CHAT: variants seen among roughly 807,000 people sequenced by gnomAD.
CHAT encodes the protein acetyl CoA:choline O-acetyltransferase.
CHAT carries 61 observed loss-of-function variants against 76.9 expected under a neutral mutation model. The observed-to-expected ratio is 0.79, with a 90% confidence interval of 0.65 to 0.98. The LOEUF is 0.98. Among genes scored for constraint, CHAT ranks in the 50% least tolerant of loss-of-function variants. The pLI is 0.00. For synonymous variants in CHAT, 407 were observed against 397.4 expected (o/e 1.02, Z -0.29); for missense variants, 946 against 986.9 (o/e 0.96, Z 0.56).
At chr10:49,612,363 A>G (rs774335271), upstream of CHAT, 1 of 1,556,046 alleles carries the variant, frequency 6.4e-7, no homozygotes, top group South Asian at 1.2e-5. Context: ...CCTCCAGCCC[A>G]CCCAACCGCC....
intron 9 of CHAT, 136 bp downstream of exon 9, chr10:49,648,743 AC>A: frequency 1.5e-6 from 1 of 665,084 alleles, no homozygotes; most frequent in Admixed American, 2.1e-5. Context: ...ACACACACAC[AC>A]ACACACACAC....
chr10:49,652,019 G>C lies in CHAT; in HGVS notation c.1634+13G>C. On this transcript the variant is annotated intron_variant, in intron 11 of 14. Coordinates refer to ENST00000337653, the MANE Select transcript of CHAT (RefSeq NM_020549.5). ...TGGCCTTCTACAGGTGAGTGAAGGT[G>C]GAGTGAGTCTGTACCCTGGAGGGCT... 1.2e-6 allele frequency: 2 copies of C among 1,614,164 alleles called. No individual in the cohort carries two copies. Among genetic ancestry groups the C allele is most frequent in the South Asian group, 2.2e-5 (2 of 91,078 alleles).
intron 6 of CHAT, among the ~76,000 whole-genome samples, chr10:49,625,915 C>T (rs969823787): frequency 1.3e-5 from 2 of 152,188 alleles, no homozygotes; most frequent in South Asian, 2.1e-4. Flanking sequence ...GGGTCATGAT[C>T]GAGACCTCCA....
At chr10:49,634,971 A>AT (rs1839248514) in intron 7 of CHAT, among the ~76,000 whole-genome samples, 1 of 152,178 alleles carries the variant, frequency 6.6e-6, no homozygotes. Flanking sequence ...CAATGGTAGC[A>AT]TTTTCCAAAA....
At chr10:49,642,768 C>T (rs530971023) in intron 7 of CHAT, among the ~76,000 whole-genome samples, 66 of 152,382 alleles carry the variant, frequency 4.3e-4, no homozygotes, top group Middle Eastern at 3.4e-3. Context: ...CCAGGGCTCT[C>T]AGAGTTCACC....
chr10:49,641,577 C>A (rs1042887769), intron 7 of CHAT, among the ~76,000 whole-genome samples: 1 of 152,078 alleles, frequency 6.6e-6, no homozygotes, highest in African/African-American at 2.4e-5. Context: ...AAGATCACCC[C>A]CTAGGCCAGA....
intron 7 of CHAT, among the ~76,000 whole-genome samples, chr10:49,631,110 G>A (rs2132746711): frequency 6.6e-6 from 1 of 152,334 alleles, no homozygotes; most frequent in Admixed American, 6.5e-5. Context: ...GTAACTGGTA[G>A]GGACGGTGAA....
rs775557792 is a variant in CHAT, at chr10:49,649,577, G to A, written c.1452G>A (p.Arg484=). 6.2e-7 allele frequency: 1 copy of A among 1,613,802 alleles called. No individual in the cohort carries two copies. Among genetic ancestry groups the A allele is most frequent in the African/African-American group, 1.3e-5 (1 of 74,942 alleles). The change falls in exon 10 of 15, where the codon CGG becomes CGA. Residue 484 remains arginine, a synonymous_variant. Coordinates refer to ENST00000337653, the MANE Select transcript of CHAT (RefSeq NM_020549.5). ...VSELPAPRRL[R]WKCSPEIQGH... The stretch of plus-strand genomic sequence containing the variant: ...AGCTCCCCGCCCCCCGGAGGCTGCG[G>A]TGGAAATGCTCCCCGGAAATTCAAG...
chr10:49,649,518 A>G lies in CHAT; in HGVS notation c.1393A>G (p.Ser465Gly). The G allele has an allele frequency of 1.2e-6, 2 of 1,613,870 alleles. No individual in the cohort carries two copies. Residue 465 changes from serine (S) to glycine (G), a missense_variant, in exon 10 of 15, where the codon AGC becomes GGC. By Grantham distance (56) the Ser-to-Gly change is moderately conservative. Around this residue, in one of 3 missense-constraint regions of CHAT, gnomAD observed 349 missense variants for 393.9 expected, o/e 0.89. Coordinates refer to ENST00000337653, the MANE Select transcript of CHAT (RefSeq NM_020549.5). ...CCTCTGTGCCCGCAGGACGCAGAGCAGCAGGAAGCTGATCCGAGCAGACTC... is the reference window on the plus strand; with the variant it reads ...CCTCTGTGCCCGCAGGACGCAGAGCGGCAGGAAGCTGATCCGAGCAGACTC... ...EHLLKHVTQS[S>G]RKLIRADSVS...
chr10:49,644,383 A>T (rs1011398449), intron 7 of CHAT, among the ~76,000 whole-genome samples: 29 of 152,154 alleles, frequency 1.9e-4, no homozygotes, highest in Admixed American at 2.0e-4. Flanking sequence ...TCAAGTTCTA[A>T]GAGGGTAATG....
chr10:49,645,435 G>C (rs1483756909), intron 7 of CHAT, among the ~76,000 whole-genome samples: 2 of 152,204 alleles, frequency 1.3e-5, no homozygotes, highest in Non-Finnish European at 2.9e-5. Flanking sequence ...AACTTTTGGT[G>C]AACTTTAAAC....
At chr10:49,627,470 C>T in intron 6 of CHAT, 138 bp from the exon 7 acceptor site, 1 of 896,122 alleles carries the variant, frequency 1.1e-6, no homozygotes, top group Non-Finnish European at 1.9e-6. Context: ...GGTCCCTAAA[C>T]TGAGACTAGA....
intron 11 of CHAT, among the ~76,000 whole-genome samples, chr10:49,653,776 G>T (rs974831113): frequency 2.6e-5 from 4 of 152,376 alleles, no homozygotes; most frequent in Non-Finnish European, 5.9e-5. Flanking sequence ...GATAGGCCGT[G>T]AGGTCAGCAT....
At chr10:49,610,825 C>G (rs8187734), upstream of CHAT, 18 of 1,606,756 alleles carry the variant, frequency 1.1e-5, no homozygotes, top group South Asian at 1.2e-4. Context: ...GCAGGAGCCC[C>G]GGCGGCAGAG....
At chr10:49,616,437 G>A (rs950965396) in intron 1 of CHAT, 65 bp from the exon 2 acceptor site, 2 of 1,258,996 alleles carry the variant, frequency 1.6e-6, no homozygotes, top group African/African-American at 1.5e-5. Flanking sequence ...GTTGGCGGGA[G>A]GTGGAGGGTT....
At chr10:49,636,978 G>T (rs1405294132) in intron 7 of CHAT, among the ~76,000 whole-genome samples, 1 of 151,724 alleles carries the variant, frequency 6.6e-6, no homozygotes, top group African/African-American at 2.4e-5. Context: ...TTTGATGTCT[G>T]CAGGGTCTGT....
chr10:49,648,763 A>T (rs1839770362), intron 9 of CHAT, among the ~76,000 whole-genome samples, 156 bp downstream of exon 9: 1 of 151,250 alleles, frequency 6.6e-6, no homozygotes, highest in South Asian at 2.1e-4. Context: ...ACACACGATG[A>T]ATTTGAAACC....
intron 5 of CHAT, 28 bp downstream of exon 5, chr10:49,622,178 C>T: frequency 6.2e-7 from 1 of 1,609,800 alleles, no homozygotes. Flanking sequence ...GTGCCCTGTT[C>T]CAGCACAGTC....
intron 7 of CHAT, among the ~76,000 whole-genome samples, chr10:49,628,564 C>T (rs915162357): frequency 6.6e-6 from 1 of 152,212 alleles, no homozygotes; most frequent in Admixed American, 6.5e-5. Context: ...TACCCAAGAG[C>T]AGCCCCATGA....
Sources: gnomAD v4.1 joint callset for allele counts (sites outside exome capture counted in the v4.1 genomes callset) on GRCh38, gnomAD v4.1.1 for gene constraint, gnomAD v4.1.1 regional missense constraint, MANE v1.5 for transcripts, NCBI Gene and HGNC (gene_info 2026-07-23, HGNC 2026-07-21) for gene names.